Variants in NDNF observed in about 807,000 individuals in gnomAD.
NDNF encodes the protein neuron derived neurotrophic factor, also known as protein NDNF.
Under a neutral mutation model 42.0 loss-of-function variants are expected in NDNF, and 16 were observed. The ratio of observed to expected loss-of-function variants is 0.38; its 90% confidence interval spans 0.26 to 0.58. The LOEUF is 0.58. Among genes scored for constraint, NDNF ranks in the 20% least tolerant of loss-of-function variants. The pLI is 0.67. For missense variants in NDNF, 616 were observed against 666.2 expected, an observed-to-expected ratio of 0.92 and a Z score of 0.83; for synonymous variants, 248 against 251.7, an observed-to-expected ratio of 0.99 and a Z score of 0.14.
chr4:121,066,495 A>G (rs987370731), intron 1 of NDNF, among the ~76,000 whole-genome samples: 2 of 152,198 alleles, frequency 1.3e-5, no homozygotes, highest in African/African-American at 4.8e-5. Context: ...TCTCTTAAAT[A>G]TAGTATTTTC....
chr4:121,040,413 T>C (rs1726977385), intron 2 of NDNF, among the ~76,000 whole-genome samples: 1 of 152,180 alleles, frequency 6.6e-6, no homozygotes, highest in South Asian at 2.1e-4. Context: ...GCAAAATAAA[T>C]CACAACCAAG....
intron 1 of NDNF, among the ~76,000 whole-genome samples, chr4:121,055,017 A>G (rs556146518): frequency 8.2e-4 from 123 of 150,878 alleles, no homozygotes; most frequent in South Asian, 3.6e-3. Flanking sequence ...TTATTTTTGT[A>G]TAGAAGGGAT....
rs1726970149 is a variant in NDNF at position 121,040,041 on chromosome 4, CCA to C, written c.200_201del (p.Val67GlyfsTer2). 6.2e-7 allele frequency: 1 copy of C among 1,613,432 alleles called. No individual in the cohort carries two copies. Among genetic ancestry groups the C allele is most frequent in the African/African-American group, 1.3e-5 (1 of 74,902 alleles). On this transcript the variant is annotated frameshift_variant, in exon 3 of 4. Coordinates refer to ENST00000379692, the MANE Select transcript of NDNF (RefSeq NM_024574.4). LOFTEE classifies it high-confidence loss of function. ...GATAATGGAGTATTGTCTTCTTCAA[CCA>C]CAAAGAAATACCTGTGGGAAAGTGG... ...FRDTPKRYFF[V>X]VEEDNTPLSV...
intron 1 of NDNF, among the ~76,000 whole-genome samples, chr4:121,053,397 A>G (rs1164692802): frequency 6.6e-6 from 1 of 152,210 alleles, no homozygotes; most frequent in Admixed American, 6.5e-5. Flanking sequence ...CCAAGCCTAC[A>G]CAATCAGAAT....
At chr4:121,048,097 T>C (rs1031621139) in intron 1 of NDNF, among the ~76,000 whole-genome samples, 1 of 152,238 alleles carries the variant, frequency 6.6e-6, no homozygotes, top group Non-Finnish European at 1.5e-5. Context: ...TGGCATTTGC[T>C]ATGCTGCCTC....
At chr4:121,039,172 A>AT (rs1560603141) in intron 3 of NDNF, among the ~76,000 whole-genome samples, 3 of 17,786 alleles carry the variant, frequency 1.7e-4, no homozygotes, top group Non-Finnish European at 7.3e-4. Context: ...TATATATATA[A>AT]AGACTATGTG....
intron 2 of NDNF, 132 bp downstream of exon 2, chr4:121,045,514 CCTTA>C (rs1727074970): frequency 1.5e-6 from 1 of 674,358 alleles, no homozygotes; most frequent in Non-Finnish European, 2.5e-6. Flanking sequence ...CCATGTTCCC[CCTTA>C]CTTACAGAAA....
intron 1 of NDNF, among the ~76,000 whole-genome samples, chr4:121,059,704 G>T (rs2148770356): frequency 6.6e-6 from 1 of 152,350 alleles, no homozygotes; most frequent in Non-Finnish European, 1.5e-5. Context: ...ATTCTGATCT[G>T]AGCACAGGAA....
At chr4:121,064,604 T>C (rs148124810) in intron 1 of NDNF, among the ~76,000 whole-genome samples, 2,004 of 152,126 alleles carry the variant, frequency 0.013, 30 homozygotes, top group Non-Finnish European at 0.023. Context: ...ATATTGAAAA[T>C]AGTGACTAAT....
At chr4:121,043,909 A>G (rs902046789) in intron 2 of NDNF, among the ~76,000 whole-genome samples, 1 of 152,258 alleles carries the variant, frequency 6.6e-6, no homozygotes, top group Non-Finnish European at 1.5e-5. Flanking sequence ...TTGAAGTATT[A>G]TGACTGCTTT....
At chr4:121,068,814 T>C (rs1012204337) in intron 1 of NDNF, among the ~76,000 whole-genome samples, 5 of 152,166 alleles carry the variant, frequency 3.3e-5, no homozygotes, top group Admixed American at 3.3e-4. Context: ...TTAGCACATA[T>C]GATGTGTAAT....
chr4:121,037,237 A>C lies in NDNF; in HGVS notation c.734T>G (p.Leu245Arg). ...GGCAAAGTCAAAGGGGCTGAAGTCC[A>C]GACCAGGTTTCGGTGCCATCATAAA... ...DAFMMAPKPG[L>R]DFSPFDFAHF... The change falls in exon 4 of 4, where the codon CTG becomes CGG. Residue 245 changes from leucine (L) to arginine (R), a missense_variant. By Grantham distance (102) the Leu-to-Arg change is moderately radical. Transcript: ENST00000379692. 2 of 1,614,122 alleles carry C rather than the reference A, an allele frequency of 1.2e-6. No homozygotes were observed. Among genetic ancestry groups the C allele is most frequent in the Non-Finnish European group, 1.7e-6 (2 of 1,180,020 alleles).
chr4:121,057,513 G>A (rs1727317203), intron 1 of NDNF, among the ~76,000 whole-genome samples: 1 of 152,134 alleles, frequency 6.6e-6, no homozygotes, highest in Non-Finnish European at 1.5e-5. Flanking sequence ...CCGGCAGTCA[G>A]GTCAGGTGAG....
rs1194041901 is a variant in NDNF, at chr4:121,036,645, C to T, written c.1326G>A (p.Gln442=). The change falls in exon 4 of 4, where the codon CAG becomes CAA. Residue 442 remains glutamine, a synonymous_variant. Transcript: ENST00000379692. ...KILATTRPTK[Q]SFPSLPEDTR... ...TGTCTTCAGGAAGAGAGGGAAATGA[C>T]TGCTTAGTAGGCCTTGTGGTAGCTA... 4 of 1,614,174 alleles carry T rather than the reference C, an allele frequency of 2.5e-6. No individual in the cohort carries two copies. The Admixed American group carries it at 5.0e-5, about 20-fold the overall frequency.
At position 121,039,804 on chromosome 4, in the gene NDNF, C is replaced by T. The variant is rs564878271; in HGVS notation, c.313+126G>A. 1.8e-4 allele frequency: 193 copies of T among 1,085,060 alleles called. 4 individuals carry two copies. The South Asian group carries it at 3.4e-3, about 19-fold the overall frequency. The allele number at this position is 1,085,060 out of a possible 1,614,324, so 67.2% of individuals were successfully genotyped here. A position where few individuals can be genotyped will look rare whatever the true frequency, so the allele number is the denominator to read the frequency against. ...CCTCCCACTTCCCTTATCTCCGTCTCATACCTCCAGATTCACTTGTGCACC... is the reference window on the plus strand; with the variant it reads ...CCTCCCACTTCCCTTATCTCCGTCTTATACCTCCAGATTCACTTGTGCACC... On this transcript the variant is annotated intron_variant, in intron 3 of 3. Coordinates refer to ENST00000379692, the MANE Select transcript of NDNF (RefSeq NM_024574.4).
intron 1 of NDNF, among the ~76,000 whole-genome samples, chr4:121,064,847 G>C (rs550178776): frequency 1.1e-4 from 16 of 152,274 alleles, no homozygotes; most frequent in African/African-American, 3.6e-4. Context: ...AATTACAGTA[G>C]ATATAATTGT....
At chr4:121,067,420 G>A (rs1336503175) in intron 1 of NDNF, among the ~76,000 whole-genome samples, 2 of 151,984 alleles carry the variant, frequency 1.3e-5, no homozygotes, top group African/African-American at 2.4e-5. Context: ...ATTAACAAGC[G>A]AAAACCAAGA....
intron 1 of NDNF, among the ~76,000 whole-genome samples, chr4:121,056,353 C>T (rs1019477752): frequency 2.0e-5 from 3 of 152,186 alleles, no homozygotes; most frequent in African/African-American, 7.2e-5. Context: ...AAGTGACTGG[C>T]AGCGTCTTTA....
At chr4:121,064,933 T>C (rs922808006) in intron 1 of NDNF, among the ~76,000 whole-genome samples, 1 of 152,170 alleles carries the variant, frequency 6.6e-6, no homozygotes, top group African/African-American at 2.4e-5. Context: ...TTATTATTAT[T>C]ATATTTTTAG....
Sources: gnomAD v4.1 joint callset for allele counts (sites outside exome capture counted in the v4.1 genomes callset) on GRCh38, gnomAD v4.1.1 for gene constraint, MANE v1.5 for transcripts, NCBI Gene and HGNC (gene_info 2026-07-23, HGNC 2026-07-21) for gene names.